Variants in SMAD3 observed in about 807,000 individuals in gnomAD.
SMAD3 encodes the protein MAD homolog 3.
A neutral mutation model predicts 51.8 loss-of-function variants in SMAD3; 12 were observed. That is an observed-to-expected ratio of 0.23 (90% CI 0.15 to 0.38). The LOEUF is 0.38. SMAD3 is among the 10% of genes least tolerant of loss of function. The probability of loss-of-function intolerance (pLI) is 1.00; values close to 1 mark genes in which losing one functional copy is unlikely to be tolerated. For synonymous variants in SMAD3, 238 were observed against 227.7 expected (o/e 1.05, Z -0.41); for missense variants, 294 against 565.6 (o/e 0.52, Z 4.87).
chr15:67,146,844 C>G (rs1409704210), intron 1 of SMAD3: 1 of 152,228 alleles, frequency 6.6e-6, no homozygotes, highest in Non-Finnish European at 1.5e-5. Context: ...GCAGAGAACA[C>G]CAGGGAAACT....
intron 1 of SMAD3, among the ~76,000 whole-genome samples, chr15:67,116,097 A>G (rs768444079): frequency 9.8e-5 from 15 of 152,358 alleles, no homozygotes; most frequent in Non-Finnish European, 1.8e-4. Context: ...TCTCCTGTTC[A>G]GTTTATCTCA....
At chr15:67,085,059 G>A (rs1214907961) in intron 1 of SMAD3, among the ~76,000 whole-genome samples, 2 of 152,132 alleles carry the variant, frequency 1.3e-5, no homozygotes, top group African/African-American at 4.8e-5. Context: ...AGGATGCTCG[G>A]GAATCTTTAA....
At chr15:67,067,333 C>T (rs1434275909) in intron 1 of SMAD3, among the ~76,000 whole-genome samples, 1 of 152,206 alleles carries the variant, frequency 6.6e-6, no homozygotes, top group African/African-American at 2.4e-5. Flanking sequence ...GACTTCACTC[C>T]CCCAGGGCCT....
chr15:67,172,422 G>A (rs562404219), intron 5 of SMAD3, among the ~76,000 whole-genome samples: 60 of 152,314 alleles, frequency 3.9e-4, no homozygotes, highest in African/African-American at 1.4e-3. Context: ...GACAGGCCTG[G>A]CTTCCCCTCT....
At chr15:67,188,136 CTTTTTCTTTTTCT>C (rs1963268578) in intron 8 of SMAD3, among the ~76,000 whole-genome samples, 2 of 124,108 alleles carry the variant, frequency 1.6e-5, no homozygotes, top group Non-Finnish European at 3.3e-5. Context: ...ATACTGGTTT[CTTTTTCTTTTTCT>C]TTTTTTTTTT....
At position 67,113,177 on chromosome 15, in the gene SMAD3, G is replaced by A. The variant is rs868773694; in HGVS notation, c.206+46817G>A. On this transcript the variant is annotated intron_variant, in intron 1 of 8. Transcript: ENST00000327367. Reference sequence around the variant, plus strand: ...TGGCTCACTGCAAACTCTGCCTCCCGGGTTCACGTCATTCTCCTGCCTCAG... The same window carrying A: ...TGGCTCACTGCAAACTCTGCCTCCCAGGTTCACGTCATTCTCCTGCCTCAG... Among the ~76,000 whole-genome samples the A allele has an allele frequency of 5.1e-4, 63 of 124,288 alleles. 12 individuals are homozygous for A. Among genetic ancestry groups the A allele is most frequent in the Admixed American group, 1.3e-3 (14 of 10,874 alleles). 81.5% of individuals were successfully genotyped at this position (124,288 alleles called of 152,430 possible).
intron 5 of SMAD3, among the ~76,000 whole-genome samples, chr15:67,176,074 CTG>C (rs1962885612): frequency 6.6e-6 from 1 of 152,210 alleles, no homozygotes. Flanking sequence ...ATGGGGGTCT[CTG>C]TGCAGCTTGG....
intron 6 of SMAD3, among the ~76,000 whole-genome samples, chr15:67,183,015 ATATATATATATATATATTT>A (rs1963117205): frequency 2.8e-5 from 2 of 72,628 alleles, no homozygotes; most frequent in South Asian, 4.9e-4. Flanking sequence ...ATATATATAT[ATATATATATATATATATTT>A]TTTTTTTTTT....
chr15:67,143,934 G>A (rs1024951645), intron 1 of SMAD3, among the ~76,000 whole-genome samples: 1 of 151,518 alleles, frequency 6.6e-6, no homozygotes, highest in African/African-American at 2.4e-5. Flanking sequence ...CTCCCAGAGT[G>A]CTGGGATTAC....
At chr15:67,181,179 C>T in intron 5 of SMAD3, 62 bp from the exon 6 acceptor site, 3 of 1,253,838 alleles carry the variant, frequency 2.4e-6, no homozygotes, top group Non-Finnish European at 3.5e-6. Flanking sequence ...CCATGGGACC[C>T]CATCGAGGGA....
chr15:67,087,318 G>A (rs1960414885), intron 1 of SMAD3, among the ~76,000 whole-genome samples: 1 of 152,162 alleles, frequency 6.6e-6, no homozygotes. Flanking sequence ...CTTTCCTCTA[G>A]GTTTTTTCTT....
intron 1 of SMAD3, among the ~76,000 whole-genome samples, chr15:67,152,936 G>A (rs1362081492): frequency 6.6e-6 from 1 of 152,072 alleles, no homozygotes; most frequent in Non-Finnish European, 1.5e-5. Flanking sequence ...GGAAGGGAGG[G>A]GCTCTCACCA....
chr15:67,112,226 T>G (rs1327185401), intron 1 of SMAD3, among the ~76,000 whole-genome samples: 1 of 142,270 alleles, frequency 7.0e-6, no homozygotes, highest in African/African-American at 2.6e-5. Flanking sequence ...CTCAGCTCAC[T>G]GCAACCTCCG....
chr15:67,084,662 C>T (rs1960351234), intron 1 of SMAD3, among the ~76,000 whole-genome samples: 1 of 152,142 alleles, frequency 6.6e-6, no homozygotes, highest in Admixed American at 6.5e-5. Context: ...ATAGCTCTGC[C>T]CTCATGGAGC....
intron 1 of SMAD3, among the ~76,000 whole-genome samples, chr15:67,109,783 C>T (rs1360921248): frequency 1.4e-4 from 22 of 152,226 alleles, no homozygotes; most frequent in Non-Finnish European, 5.9e-5. Flanking sequence ...GTGCCCCTTA[C>T]GCTCCGCCGG....
chr15:67,066,475 C>A, intron 1 of SMAD3, 115 bp downstream of exon 1: 2 of 862,142 alleles, frequency 2.3e-6, no homozygotes, highest in Non-Finnish European at 3.7e-6. Flanking sequence ...GGGAGTGAGA[C>A]TGTGTGGGTG....
chr15:67,195,169 A>G lies in SMAD3; in HGVS notation c.*4633A>G. On this transcript the variant is annotated 3_prime_UTR_variant, in exon 9 of 9. Coordinates refer to ENST00000327367, the MANE Select transcript of SMAD3 (RefSeq NM_005902.4). ...CCTTCTAATAAACTTTTCATGGAAAAGCTCCTGTGCCAGGAGCTCAGTCTG... is the reference window on the plus strand; with the variant it reads ...CCTTCTAATAAACTTTTCATGGAAAGGCTCCTGTGCCAGGAGCTCAGTCTG... 4.3e-6 allele frequency: 1 copy of G among 231,776 alleles called. No individual in the cohort carries two copies. Among genetic ancestry groups the G allele is most frequent in the Non-Finnish European group, 8.6e-6 (1 of 116,814 alleles). 14.4% of individuals were successfully genotyped at this position (231,776 alleles called of 1,614,324 possible). A position where few individuals can be genotyped will look rare whatever the true frequency, so the allele number is the denominator to read the frequency against.
chr15:67,179,441 G>A (rs915223644), intron 5 of SMAD3, among the ~76,000 whole-genome samples: 8 of 150,856 alleles, frequency 5.3e-5, no homozygotes, highest in African/African-American at 1.9e-4. Context: ...ACCCAACAAA[G>A]AATTATCTGG....
chr15:67,067,488 G>A (rs1240527125), intron 1 of SMAD3, among the ~76,000 whole-genome samples: 2 of 152,134 alleles, frequency 1.3e-5, no homozygotes, highest in Non-Finnish European at 2.9e-5. Flanking sequence ...CCAGGCTGCC[G>A]AGGAATGAGT....
Sources: gnomAD v4.1 joint callset for allele counts (sites outside exome capture counted in the v4.1 genomes callset) on GRCh38, gnomAD v4.1.1 for gene constraint, MANE v1.5 for transcripts, NCBI Gene and HGNC (gene_info 2026-07-23, HGNC 2026-07-21) for gene names.